The following LINGO2 variants were observed in gnomAD, a reference collection of about 807,000 sequenced individuals.
The protein encoded by LINGO2 is leucine rich repeat and Ig domain containing 2, also known as leucine-rich repeat and immunoglobulin-like domain-containing nogo receptor-interacting protein 2.
Under a neutral mutation model 30.6 loss-of-function variants are expected in LINGO2, and 14 were observed. The ratio of observed to expected loss-of-function variants is 0.46; its 90% confidence interval spans 0.30 to 0.72. The LOEUF is 0.72. Among genes scored for constraint, LINGO2 ranks in the 30% least tolerant of loss-of-function variants. LINGO2 has a pLI of 0.07. For synonymous variants in LINGO2, 317 were observed against 288.5 expected (o/e 1.10, Z -1.00); for missense variants, 729 against 751.7 (o/e 0.97, Z 0.35).
At chr9:29,110,683 G>A in the LINGO2 span, among the ~76,000 whole-genome samples, 5 of 148,142 alleles carry the variant, frequency 3.4e-5, no homozygotes, top group African/African-American at 5.0e-5. Context: ...GTCCCTGGAA[G>A]TTACTTTGTT....
the LINGO2 span, among the ~76,000 whole-genome samples, chr9:29,074,678 CTTTTTTTTTTTT>C: frequency 2.3e-5 from 2 of 88,006 alleles, no homozygotes; most frequent in African/African-American, 1.1e-4. Context: ...AAATTACTTA[CTTTTTTTTTTTT>C]TTTTTTTTTT....
intron 1 of LINGO2, among the ~76,000 whole-genome samples, chr9:28,655,573 C>G (rs1043604383): frequency 5.9e-5 from 9 of 151,976 alleles, no homozygotes; most frequent in Admixed American, 4.6e-4. Flanking sequence ...TATCCTCACC[C>G]AAATCTCATC....
At chr9:28,716,455 C>T in the LINGO2 span, among the ~76,000 whole-genome samples, 1 of 151,980 alleles carries the variant, frequency 6.6e-6, no homozygotes, top group Non-Finnish European at 1.5e-5. Flanking sequence ...TACCCTGACA[C>T]AATGACATAA....
At chr9:28,796,296 T>C in the LINGO2 span, among the ~76,000 whole-genome samples, 1 of 152,152 alleles carries the variant, frequency 6.6e-6, no homozygotes, top group South Asian at 2.1e-4. Context: ...ACACTATCGC[T>C]TTGATACACA....
chr9:28,377,646 C>A (rs191457924), intron 2 of LINGO2, among the ~76,000 whole-genome samples: 1 of 152,250 alleles, frequency 6.6e-6, no homozygotes, highest in African/African-American at 2.4e-5. Flanking sequence ...TGTATCTCAG[C>A]ACTCATTCCA....
At chr9:28,638,883 G>T (rs1169454505) in intron 1 of LINGO2, among the ~76,000 whole-genome samples, 1 of 152,022 alleles carries the variant, frequency 6.6e-6, no homozygotes, top group South Asian at 2.1e-4. Context: ...GTTTGCTCTT[G>T]CTTCTCTAGT....
chr9:29,052,025 G>C, the LINGO2 span, among the ~76,000 whole-genome samples: 1 of 152,036 alleles, frequency 6.6e-6, no homozygotes, highest in African/African-American at 2.4e-5. Context: ...ATACGAAATT[G>C]TTGATGTTTG....
rs61677547 is a variant in LINGO2, at chr9:28,462,414, T to TAA, written c.-279+13524_-279+13525dup. On this transcript the variant is annotated intron_variant, in intron 2 of 5. Coordinates refer to ENST00000379992, the Ensembl canonical transcript of LINGO2. ...AGAATAACATTCATCATGCTCTAGC[T>TAA]AAAAAAAAAAAAAAAAAAAAAAAAT... Among the ~76,000 whole-genome samples, 616 of 88,938 alleles carry TAA rather than the reference T, an allele frequency of 6.9e-3. 6 individuals are homozygous for TAA. The highest frequency in any genetic ancestry group is 0.032 in the Middle Eastern group (5 of 156). 58.3% of individuals were successfully genotyped at this position (88,938 alleles called of 152,430 possible). A position where few individuals can be genotyped will look rare whatever the true frequency, so the allele number is the denominator to read the frequency against.
At chr9:28,606,824 G>A (rs560785709) in intron 1 of LINGO2, among the ~76,000 whole-genome samples, 96 of 152,072 alleles carry the variant, frequency 6.3e-4, no homozygotes, top group African/African-American at 2.2e-3. Flanking sequence ...ACGAGTTAGT[G>A]GAATAGGAGG....
chr9:28,338,818 G>C (rs909379637), intron 3 of LINGO2, among the ~76,000 whole-genome samples: 1 of 152,110 alleles, frequency 6.6e-6, no homozygotes, highest in African/African-American at 2.4e-5. Flanking sequence ...ACCCTGAACT[G>C]TGAGTCAATT....
intron 4 of LINGO2, among the ~76,000 whole-genome samples, chr9:28,044,453 A>G (rs1331936939): frequency 6.6e-6 from 1 of 152,186 alleles, no homozygotes; most frequent in Non-Finnish European, 1.5e-5. Context: ...GTAAGTCTCA[A>G]AACAGACTTT....
the LINGO2 span, among the ~76,000 whole-genome samples, chr9:28,718,826 C>A: frequency 3.9e-5 from 6 of 152,030 alleles, no homozygotes; most frequent in Non-Finnish European, 8.8e-5. Flanking sequence ...ACTTCCCCTC[C>A]TGAACTTTCT....
intron 4 of LINGO2, among the ~76,000 whole-genome samples, chr9:28,263,560 G>T (rs1417762465): frequency 1.3e-5 from 2 of 151,782 alleles, no homozygotes; most frequent in African/African-American, 4.8e-5. Context: ...TTTAATTATT[G>T]GGTTTATCCC....
chr9:28,067,599 C>T (rs894922974), intron 4 of LINGO2, among the ~76,000 whole-genome samples: 4 of 152,000 alleles, frequency 2.6e-5, no homozygotes, highest in Non-Finnish European at 4.4e-5. Flanking sequence ...ACATGGCACA[C>T]AGGGTGTGGA....
chr9:28,013,120 C>A (rs1430773730), intron 4 of LINGO2, among the ~76,000 whole-genome samples: 1 of 152,070 alleles, frequency 6.6e-6, no homozygotes, highest in South Asian at 2.1e-4. Context: ...ATAGGGTACC[C>A]GAGTGTATTT....
At chr9:28,049,849 A>G (rs527692271) in intron 4 of LINGO2, among the ~76,000 whole-genome samples, 6 of 150,760 alleles carry the variant, frequency 4.0e-5, no homozygotes, top group African/African-American at 7.3e-5. Context: ...ACTCCATTCC[A>G]TAAGTCACTG....
chr9:28,654,881 G>A (rs895601649), intron 1 of LINGO2, among the ~76,000 whole-genome samples: 6 of 152,034 alleles, frequency 3.9e-5, no homozygotes, highest in African/African-American at 1.4e-4. Flanking sequence ...TTATAATGTA[G>A]CAAGCACTCA....
the LINGO2 span, among the ~76,000 whole-genome samples, chr9:28,985,794 A>C: frequency 6.6e-6 from 1 of 152,144 alleles, no homozygotes; most frequent in East Asian, 1.9e-4. Flanking sequence ...GTTTGCAAAT[A>C]TATTCTCCCA....
chr9:29,211,641 G>A, the LINGO2 span, among the ~76,000 whole-genome samples: 6 of 151,860 alleles, frequency 4.0e-5, no homozygotes, highest in Admixed American at 2.6e-4. Context: ...AGTTCTCTGA[G>A]CCAATCCCTC....
Sources: allele counts gnomAD v4.1 joint callset (sites outside exome capture counted in the v4.1 genomes callset), GRCh38; gene constraint gnomAD v4.1.1; transcripts MANE v1.5; gene names NCBI Gene and HGNC (gene_info 2026-07-23, HGNC 2026-07-21).